The following TVP23A variants were observed in gnomAD, a reference collection of about 807,000 sequenced individuals.
TVP23A encodes the protein trans-golgi network vesicle protein 23 homolog A, also known as Golgi apparatus membrane protein TVP23 homolog A.
TVP23A carries 21 observed loss-of-function variants against 31.7 expected under a neutral mutation model. That is an observed-to-expected ratio of 0.66 (90% CI 0.47 to 0.95). The LOEUF (loss-of-function observed/expected upper bound fraction) is 0.95, where lower values mean the gene tolerates loss of function less well. TVP23A is among the 40% of genes least tolerant of loss of function. TVP23A has a pLI of 0.00. For missense variants in TVP23A, 279 were observed against 255.6 expected, an observed-to-expected ratio of 1.09 and a Z score of -0.62; for synonymous variants, 104 against 96.0, an observed-to-expected ratio of 1.08 and a Z score of -0.49.
intron 2 of TVP23A, among the ~76,000 whole-genome samples, chr16:10,782,634 C>T (rs2032493234): frequency 6.6e-6 from 1 of 152,074 alleles, no homozygotes; most frequent in African/African-American, 2.4e-5. Flanking sequence ...TTCCAAGTAG[C>T]TGTGAATACA....
In TVP23A at chr16:10,775,563, CAT is replaced by C. The variant is rs564538356; in HGVS notation, c.90-469_90-468del. On this transcript the variant is annotated intron_variant, in intron 2 of 7. Transcript: ENST00000299866. ...ATGCGTGTTCCTGGACAGAGGGAAA[CAT>C]GTGACCTGTGAATGGCAGGTCTAAC... 179 of 1,008,090 alleles carry C rather than the reference CAT, an allele frequency of 1.8e-4. No homozygotes were observed. In the African/African-American group the frequency reaches 2.4e-3, roughly 14 times the overall value. 62.4% of individuals were successfully genotyped at this position (1,008,090 alleles called of 1,614,324 possible).
At chr16:10,758,123 T>C, downstream of TVP23A, 2 of 1,410,360 alleles carry the variant, frequency 1.4e-6, no homozygotes, top group Non-Finnish European at 1.9e-6. Context: ...TCACCAAGGC[T>C]CTTCCCAGTG....
At chr16:10,799,284 G>C (rs1446161501) in intron 2 of TVP23A, among the ~76,000 whole-genome samples, 1 of 152,206 alleles carries the variant, frequency 6.6e-6, no homozygotes, top group African/African-American at 2.4e-5. Flanking sequence ...GGGGAAATCT[G>C]TCATGCATCA....
chr16:10,792,129 T>G (rs564934394), intron 2 of TVP23A, among the ~76,000 whole-genome samples: 79 of 152,332 alleles, frequency 5.2e-4, no homozygotes, highest in African/African-American at 1.9e-3. Context: ...CCGGCTGGAT[T>G]TTTCCCTTCG....
At chr16:10,759,911 G>A (rs1900827271), downstream of TVP23A, among the ~76,000 whole-genome samples, 1 of 152,210 alleles carries the variant, frequency 6.6e-6, no homozygotes, top group Non-Finnish European at 1.5e-5. The surrounding 1 kb of genome is among the most constrained non-coding windows in gnomAD (Gnocchi z 4.7). Flanking sequence ...CCAAAGCTGC[G>A]AGCCTTTCGG....
rs567444021 is a variant in TVP23A, at chr16:10,772,008, A to T, written c.454-210T>A. On this transcript the variant is annotated intron_variant, in intron 5 of 7. Transcript: ENST00000299866. ...TAATTTTTTTGTATTTTTAGTAGAG[A>T]CACTGTTTCACCATGTTAGCCAGGA... is the stretch of plus-strand genomic sequence containing the variant. Among the ~76,000 whole-genome samples the T allele has an allele frequency of 3.5e-3, 514 of 147,884 alleles. 1 individual carries two copies. The highest frequency in any genetic ancestry group is 5.9e-3 in the Non-Finnish European group (399 of 67,392).
chr16:10,815,017 A>G (rs1366189583), intron 2 of TVP23A, among the ~76,000 whole-genome samples: 1 of 152,002 alleles, frequency 6.6e-6, no homozygotes, highest in Non-Finnish European at 1.5e-5. Flanking sequence ...CTCCTACCCT[A>G]CCTGTGGGTC....
intron 2 of TVP23A, among the ~76,000 whole-genome samples, chr16:10,798,013 T>G (rs1213277559): frequency 6.7e-6 from 1 of 149,280 alleles, no homozygotes; most frequent in Non-Finnish European, 1.5e-5. Flanking sequence ...TGGAGTGCAG[T>G]GGCGCCATCT....
downstream of TVP23A, among the ~76,000 whole-genome samples, chr16:10,758,389 T>C (rs1900717573): frequency 6.6e-6 from 1 of 152,088 alleles, no homozygotes; most frequent in Non-Finnish European, 1.5e-5. Flanking sequence ...AGGAGGATCA[T>C]TTGAGCCTGG....
downstream of TVP23A, among the ~76,000 whole-genome samples, chr16:10,757,543 CA>C (rs1900640332): frequency 6.6e-6 from 1 of 152,188 alleles, no homozygotes; most frequent in Non-Finnish European, 1.5e-5. This position sits in a 1 kb window ranked among gnomAD's most constrained non-coding sequence, Gnocchi z 4.1. Flanking sequence ...CCTTTACCCA[CA>C]AGATGCCAGT....
intron 2 of TVP23A, among the ~76,000 whole-genome samples, chr16:10,780,846 CTG>C (rs1008461625): frequency 1.3e-5 from 2 of 152,148 alleles, no homozygotes; most frequent in African/African-American, 4.8e-5. Flanking sequence ...AAGAGCCAAA[CTG>C]TGAAATTCCC....
downstream of TVP23A, among the ~76,000 whole-genome samples, chr16:10,763,053 G>A (rs539946232): frequency 1.8e-4 from 28 of 152,162 alleles, no homozygotes; most frequent in South Asian, 1.0e-3. Context: ...AGAAAGTGAC[G>A]GCATCTGAGG....
rs536533017 is a variant in TVP23A, at chr16:10,777,390, G to T, written c.90-2294C>A. Among the ~76,000 whole-genome samples, 4 of 152,184 alleles carry T rather than the reference G, an allele frequency of 2.6e-5. No homozygotes were observed. The highest frequency in any genetic ancestry group is 5.9e-5 in the Non-Finnish European group (4 of 67,996). On this transcript the variant is annotated intron_variant, in intron 2 of 7. Coordinates refer to ENST00000299866, the MANE Select transcript of TVP23A (RefSeq NM_001079512.4). This position sits in a 1 kb window ranked among gnomAD's most constrained non-coding sequence, Gnocchi z 4.5. ...AGTGAGCTTGCAACCTCTGGATTAG[G>T]TTACAAAATGTTGTGGGCTTTGGAA...
intron 2 of TVP23A, among the ~76,000 whole-genome samples, chr16:10,815,244 A>G (rs752466441): frequency 2.6e-5 from 4 of 152,086 alleles, no homozygotes; most frequent in Non-Finnish European, 5.9e-5. Flanking sequence ...AAAACAAAAC[A>G]AAACAAAAAA....
intron 2 of TVP23A, among the ~76,000 whole-genome samples, chr16:10,813,999 C>CAA (rs201277067): frequency 0.046 from 2,275 of 49,012 alleles, 189 homozygotes; most frequent in South Asian, 0.061. Context: ...AACTCCATCT[C>CAA]AAAAAAAAAA....
At chr16:10,764,481 G>C (rs569297170), downstream of TVP23A, among the ~76,000 whole-genome samples, 150 of 151,260 alleles carry the variant, frequency 9.9e-4, no homozygotes, top group Admixed American at 1.6e-3. Flanking sequence ...GAGTATGTCA[G>C]TCTATTGGAG....
Position 10,818,034 on chromosome 16 carries a change from G to C in TVP23A, c.89+69C>G. On this transcript the variant is annotated intron_variant, in intron 2 of 7. Transcript: ENST00000299866. The surrounding 1 kb of genome is among the most constrained non-coding windows in gnomAD (Gnocchi z 4.7). ...AGTAGGTGCTCAATATATTTTGAAT[G>C]AATGAGTGAGTAAATGAATGAATTT... 7.6e-7 allele frequency: 1 copy of C among 1,323,992 alleles called. No homozygotes were observed. Among genetic ancestry groups the C allele is most frequent in the African/African-American group, 1.5e-5 (1 of 68,834 alleles). 82.0% of individuals were successfully genotyped at this position (1,323,992 alleles called of 1,614,324 possible). A position where few individuals can be genotyped will look rare whatever the true frequency, so the allele number is the denominator to read the frequency against.
chr16:10,803,367 A>C (rs956021928), intron 2 of TVP23A, among the ~76,000 whole-genome samples: 1 of 151,950 alleles, frequency 6.6e-6, no homozygotes, highest in African/African-American at 2.4e-5. Context: ...AGCAACAACA[A>C]CACATGTGTG....
In TVP23A at chr16:10,818,178, A is replaced by G; in HGVS notation, c.14T>C (p.Leu5Pro). 6.2e-7 allele frequency: 1 copy of G among 1,603,732 alleles called. No individual in the cohort carries two copies. Among genetic ancestry groups the G allele is most frequent in the Non-Finnish European group, 8.5e-7 (1 of 1,175,254 alleles). Reference protein sequence around the residue: MKQALVDDTEDVSLD... With the variant: MKQAPVDDTEDVSLD... ...GGACACATCCTCGGTATCGTCCACCAGGGCCTGGGAGGAGAGCAAGGGCAG... is the reference window on the plus strand; with the variant it reads ...GGACACATCCTCGGTATCGTCCACCGGGGCCTGGGAGGAGAGCAAGGGCAG... Residue 5 changes from leucine (L) to proline (P), a missense_variant, in exon 2 of 8, where the codon CTG becomes CCG. Transcript: ENST00000299866. The surrounding 1 kb of genome is among the most constrained non-coding windows in gnomAD (Gnocchi z 4.7).
Sources: allele counts gnomAD v4.1 joint callset (sites outside exome capture counted in the v4.1 genomes callset), GRCh38; gene constraint gnomAD v4.1.1; non-coding constraint Gnocchi (gnomAD v3.1); transcripts MANE v1.5; gene names NCBI Gene and HGNC (gene_info 2026-07-23, HGNC 2026-07-21).